The following MTR variants were observed in gnomAD, a reference collection of about 807,000 sequenced individuals.
The protein encoded by MTR is methionine synthase.
A neutral mutation model predicts 154.8 loss-of-function variants in MTR; 84 were observed. That is an observed-to-expected ratio of 0.54 (90% CI 0.45 to 0.65). MTR has a LOEUF of 0.65. Among genes scored for constraint, MTR ranks in the 30% least tolerant of loss-of-function variants. The pLI, the probability that MTR is intolerant of heterozygous loss-of-function variation, is 0.00. For synonymous variants in MTR, 554 were observed against 553.9 expected (o/e 1.00, Z 0.00); for missense variants, 1,275 against 1,570.2 (o/e 0.81, Z 3.18).
chr1:236,865,591 GAAAT>G (rs1572289741), intron 22 of MTR, among the ~76,000 whole-genome samples: 1 of 152,096 alleles, frequency 6.6e-6, no homozygotes, highest in Non-Finnish European at 1.5e-5. Context: ...GGGGATAAAA[GAAAT>G]AAAGAGGGCT....
rs185943033 is a variant in MTR, at chr1:236,893,462, G to A, written c.3205-895G>A. Among the ~76,000 whole-genome samples, 290 of 152,268 alleles carry A rather than the reference G, an allele frequency of 1.9e-3. 1 individual carries two copies. The highest frequency in any genetic ancestry group is 6.8e-3 in the African/African-American group (284 of 41,532). On this transcript the variant is annotated intron_variant, in intron 29 of 32. Transcript: ENST00000366577. ...CTGGCCCCTCCCACTGTCTGACCTT[G>A]GGCCAGTTGATCAAGCTTCCTATGC... is the stretch of plus-strand genomic sequence containing the variant.
At chr1:236,891,634 C>T (rs543148131) in intron 29 of MTR, among the ~76,000 whole-genome samples, 1 of 152,246 alleles carries the variant, frequency 6.6e-6, no homozygotes, top group African/African-American at 2.4e-5. Context: ...TCTCAGTCTT[C>T]TTAGCTTCTG....
chr1:236,861,550 A>C (rs1664545469), intron 20 of MTR, among the ~76,000 whole-genome samples: 2 of 152,264 alleles, frequency 1.3e-5, no homozygotes, highest in African/African-American at 2.4e-5. Flanking sequence ...CCCAGTGCCT[A>C]TCTCTCCCCT....
chr1:236,797,589 A>G (rs1348482905), intron 1 of MTR, among the ~76,000 whole-genome samples: 5 of 152,164 alleles, frequency 3.3e-5, no homozygotes, highest in East Asian at 1.9e-4. Context: ...GTATCAGCCT[A>G]ATTCTTCTCC....
At chr1:236,885,366 G>A (rs1328514710) in intron 26 of MTR, 147 bp downstream of exon 26, 5 of 660,120 alleles carry the variant, frequency 7.6e-6, no homozygotes, top group African/African-American at 1.8e-5. Context: ...GTTCAAATCA[G>A]AGGTCTTCAG....
chr1:236,866,020 A>C (rs546382391), intron 22 of MTR, among the ~76,000 whole-genome samples: 1 of 152,328 alleles, frequency 6.6e-6, no homozygotes, highest in Admixed American at 6.5e-5. Context: ...GGACTTCGTA[A>C]TATGTCACCT....
At chr1:236,881,436 CA>C (rs1460313208) in intron 25 of MTR, among the ~76,000 whole-genome samples, 3 of 152,018 alleles carry the variant, frequency 2.0e-5, no homozygotes, top group African/African-American at 7.2e-5. Flanking sequence ...CAGTGTGGTC[CA>C]GGGGTTTCCA....
Position 236,892,508 on chromosome 1 carries a change from C to T in MTR, c.3204+1179C>T, listed in dbSNP as rs561486395. Reference sequence around the variant, plus strand: ...AAAAAACAAACAAAAAAGATAGTGGCGCATTTTAATCCCAACCACAATATA... The same window carrying T: ...AAAAAACAAACAAAAAAGATAGTGGTGCATTTTAATCCCAACCACAATATA... On this transcript the variant is annotated intron_variant, in intron 29 of 32. Transcript: ENST00000366577. Among the ~76,000 whole-genome samples, 31 of 152,104 alleles carry T rather than the reference C, an allele frequency of 2.0e-4. No individual in the cohort carries two copies. In the East Asian group the frequency reaches 2.3e-3, roughly 11 times the overall value.
chr1:236,853,171 G>A, intron 18 of MTR, 83 bp downstream of exon 18: 4 of 1,430,952 alleles, frequency 2.8e-6, no homozygotes, highest in Non-Finnish European at 3.0e-6. Flanking sequence ...CCTTCATGGT[G>A]GAATAGAAGC....
intron 23 of MTR, 146 bp downstream of exon 23, chr1:236,873,986 G>A: frequency 1.3e-6 from 1 of 772,422 alleles, no homozygotes; most frequent in Admixed American, 2.1e-5. Flanking sequence ...GCACCAGGTT[G>A]CTTTCATTGC....
intron 22 of MTR, among the ~76,000 whole-genome samples, chr1:236,866,819 G>A (rs1664848801): frequency 6.6e-6 from 1 of 152,218 alleles, no homozygotes; most frequent in African/African-American, 2.4e-5. Context: ...GTCTCACCCA[G>A]AGCAGTTTGG....
intron 22 of MTR, among the ~76,000 whole-genome samples, chr1:236,863,854 A>T (rs1218419361): frequency 6.6e-6 from 1 of 152,186 alleles, no homozygotes; most frequent in Admixed American, 6.5e-5. Flanking sequence ...AGGTGCTAAT[A>T]GCCGGAATAT....
At chr1:236,861,097 C>CTTTTTTCTTTTTTTTTTT (rs1664510960) in intron 19 of MTR, 28 bp from the exon 20 acceptor site, 1 of 1,012,494 alleles carries the variant, frequency 9.9e-7, no homozygotes, top group African/African-American at 2.0e-5. Flanking sequence ...CTTTCTTTTT[C>CTTTTTTCTTTTTTTTTTT]TTTTTTTTTT....
chr1:236,811,134 G>A (rs908374259), intron 5 of MTR, among the ~76,000 whole-genome samples: 7 of 152,112 alleles, frequency 4.6e-5, no homozygotes, highest in Admixed American at 1.3e-4. Flanking sequence ...CGTCTTACAC[G>A]GATGGTAGCA....
intron 12 of MTR, among the ~76,000 whole-genome samples, chr1:236,831,765 T>G (rs1251244624): frequency 6.6e-6 from 1 of 152,246 alleles, no homozygotes; most frequent in African/African-American, 2.4e-5. Context: ...TGGTTGTAAA[T>G]GTAGTTGTAA....
chr1:236,823,829 T>TTTTTTA, intron 8 of MTR, among the ~76,000 whole-genome samples: 1 of 135,782 alleles, frequency 7.4e-6, no homozygotes, highest in Non-Finnish European at 1.6e-5. Context: ...TTTTTTTTTT[T>TTTTTTA]AGCAGTGTTA....
At chr1:236,811,445 A>G (rs1443332813) in intron 5 of MTR, among the ~76,000 whole-genome samples, 2 of 152,258 alleles carry the variant, frequency 1.3e-5, no homozygotes, top group African/African-American at 4.8e-5. Flanking sequence ...AAGACTATAG[A>G]AAACAAAAAG....
intron 23 of MTR, among the ~76,000 whole-genome samples, chr1:236,874,197 A>T (rs569400902): frequency 6.6e-6 from 1 of 152,316 alleles, no homozygotes; most frequent in South Asian, 2.1e-4. Context: ...GCAAGTAATT[A>T]TTGCAACTTT....
intron 20 of MTR, 98 bp downstream of exon 20, chr1:236,861,375 C>T (rs1415684480): frequency 6.5e-7 from 1 of 1,530,694 alleles, no homozygotes; most frequent in East Asian, 2.3e-5. Flanking sequence ...TTAATTTGGA[C>T]AAGAGTTCAA....
Sources: gnomAD v4.1 joint callset for allele counts (sites outside exome capture counted in the v4.1 genomes callset) on GRCh38, gnomAD v4.1.1 for gene constraint, MANE v1.5 for transcripts, NCBI Gene and HGNC (gene_info 2026-07-23, HGNC 2026-07-21) for gene names.